Variants in CACNA1E observed in about 807,000 individuals in gnomAD.
CACNA1E encodes the protein voltage-dependent R-type calcium channel subunit alpha-1E.
Under a neutral mutation model 259.2 loss-of-function variants are expected in CACNA1E, and 40 were observed. That is an observed-to-expected ratio of 0.15 (90% CI 0.12 to 0.20). The LOEUF (loss-of-function observed/expected upper bound fraction) is 0.20, where lower values mean the gene tolerates loss of function less well. CACNA1E is among the 10% of genes least tolerant of loss of function. The pLI, the probability that CACNA1E is intolerant of heterozygous loss-of-function variation, is 1.00. For synonymous variants in CACNA1E, 1,104 were observed against 1,138.5 expected, an observed-to-expected ratio of 0.97 and a Z score of 0.61; for missense variants, 1,874 against 3,040.1, an observed-to-expected ratio of 0.62 and a Z score of 9.02.
At chr1:181,726,699 T>C (rs1654937336) in intron 18 of CACNA1E, among the ~76,000 whole-genome samples, 1 of 152,286 alleles carries the variant, frequency 6.6e-6, no homozygotes, top group South Asian at 2.1e-4. Flanking sequence ...AGTGGAAGGA[T>C]GAATAGGATA....
chr1:181,452,891 T>C (rs1182113890), intron 2 of CACNA1E, among the ~76,000 whole-genome samples: 2 of 152,336 alleles, frequency 1.3e-5, no homozygotes, highest in Non-Finnish European at 2.9e-5. Flanking sequence ...CTACCACCTT[T>C]TTCTAGATTC....
At chr1:181,729,487 C>A (rs924332748) in intron 18 of CACNA1E, among the ~76,000 whole-genome samples, 2 of 152,192 alleles carry the variant, frequency 1.3e-5, no homozygotes, top group Non-Finnish European at 2.9e-5. Flanking sequence ...TGTTAAAAAG[C>A]AAAGTGCCTG....
At chr1:181,317,706 G>A (rs12723050) in exon 1 of CACNA1E, 25,422 of 145,950 alleles carry the variant, frequency 0.17, 2,493 homozygotes, top group Non-Finnish European at 0.23. Flanking sequence ...GCCGCCTCGC[G>A]CGTGCCGCCC....
intron 3 of CACNA1E, among the ~76,000 whole-genome samples, chr1:181,523,139 C>T (rs1468595793): frequency 1.3e-5 from 2 of 151,734 alleles, no homozygotes; most frequent in Non-Finnish European, 2.9e-5. Flanking sequence ...CCTTCTTCTC[C>T]AATAAGCAAA....
Position 181,800,689 on chromosome 1 carries a change from A to G in CACNA1E, c.*1855A>G, listed in dbSNP as rs972683700. On this transcript the variant is annotated 3_prime_UTR_variant, in exon 48 of 48. Transcript: ENST00000367573. The stretch of plus-strand genomic sequence containing the variant: ...TCCTCCTCTTGGGCAGGAGCAATCC[A>G]GAGTTGTTATTTTTCTTAGAAGGAG... 4 of 152,700 alleles carry G rather than the reference A, an allele frequency of 2.6e-5. No individual in the cohort carries two copies. Among genetic ancestry groups the G allele is most frequent in the Admixed American group, 1.3e-4 (2 of 15,284 alleles). 9.5% of individuals were successfully genotyped at this position (152,700 alleles called of 1,614,324 possible). A position where few individuals can be genotyped will look rare whatever the true frequency, so the allele number is the denominator to read the frequency against.
At chr1:181,511,764 C>T (rs1359939379) in intron 3 of CACNA1E, among the ~76,000 whole-genome samples, 1 of 152,212 alleles carries the variant, frequency 6.6e-6, no homozygotes, top group African/African-American at 2.4e-5. Flanking sequence ...TGGAAGCTGC[C>T]ACTTCTGGTT....
At chr1:181,372,313 C>T (rs573358003) in intron 1 of CACNA1E, among the ~76,000 whole-genome samples, 2 of 151,858 alleles carry the variant, frequency 1.3e-5, no homozygotes, top group African/African-American at 4.8e-5. Flanking sequence ...GAACTTTCAC[C>T]TCCCTGGTTA....
Position 181,758,989 on chromosome 1 carries a change from C to T in CACNA1E, c.4605+121C>T, listed in dbSNP as rs762818795. ...GAAATCACCCACCTAGATGTGGGCTCGTTTTGACTGCTCAGTAAACTGCCG... is the reference window on the plus strand; with the variant it reads ...GAAATCACCCACCTAGATGTGGGCTTGTTTTGACTGCTCAGTAAACTGCCG... On this transcript the variant is annotated intron_variant, in intron 32 of 47. Coordinates refer to ENST00000367573, the MANE Select transcript of CACNA1E (RefSeq NM_001205293.3). The surrounding 1 kb of genome is among the most constrained non-coding windows in gnomAD (Gnocchi z 4.2). The T allele has an allele frequency of 4.7e-6, 3 of 633,700 alleles. No individual in the cohort carries two copies. The highest frequency in any genetic ancestry group is 2.0e-5 in the South Asian group (1 of 50,840). 39.3% of individuals were successfully genotyped at this position (633,700 alleles called of 1,614,324 possible). A position where few individuals can be genotyped will look rare whatever the true frequency, so the allele number is the denominator to read the frequency against.
chr1:181,749,529 C>T (rs1173376160), intron 25 of CACNA1E, among the ~76,000 whole-genome samples: 2 of 152,148 alleles, frequency 1.3e-5, no homozygotes, highest in Admixed American at 6.5e-5. Flanking sequence ...GGGTTCATGT[C>T]CCAGCTCTGC....
At chr1:181,520,960 C>CT (rs1303554796) in intron 3 of CACNA1E, among the ~76,000 whole-genome samples, 1 of 152,202 alleles carries the variant, frequency 6.6e-6, no homozygotes, top group Non-Finnish European at 1.5e-5. Flanking sequence ...ACAATGCCCT[C>CT]TCTCCTCCAG....
At chr1:181,472,889 T>C (rs760199452) in intron 2 of CACNA1E, among the ~76,000 whole-genome samples, 2 of 152,186 alleles carry the variant, frequency 1.3e-5, no homozygotes, top group East Asian at 3.8e-4. Flanking sequence ...TATAGACTCC[T>C]GTGAATTCTA....
intron 1 of CACNA1E, among the ~76,000 whole-genome samples, chr1:181,408,400 A>T (rs1361282004): frequency 2.6e-5 from 4 of 152,216 alleles, no homozygotes. Flanking sequence ...AGTAAAAAAT[A>T]GATGAATTAA....
chr1:181,515,935 G>A (rs527655057), intron 3 of CACNA1E, among the ~76,000 whole-genome samples: 2 of 152,264 alleles, frequency 1.3e-5, no homozygotes, highest in East Asian at 3.9e-4. Flanking sequence ...GGGGAAGGCT[G>A]GGGCTGGGGT....
intron 18 of CACNA1E, among the ~76,000 whole-genome samples, chr1:181,728,736 C>T (rs1292470695): frequency 6.6e-6 from 1 of 151,328 alleles, no homozygotes; most frequent in African/African-American, 2.4e-5. Context: ...GTGTACAATG[C>T]TCAGGTGTGT....
chr1:181,635,634 C>T (rs1461338451), intron 6 of CACNA1E, among the ~76,000 whole-genome samples: 1 of 152,228 alleles, frequency 6.6e-6, no homozygotes, highest in Non-Finnish European at 1.5e-5. Flanking sequence ...CTGATCTGGA[C>T]TCTGCACCAG....
rs764706217 is a variant in CACNA1E at position 181,798,755 on chromosome 1, G to A, written c.6863G>A (p.Arg2288His). The A allele has an allele frequency of 2.4e-5, 39 of 1,602,534 alleles. No homozygotes were observed. The highest frequency in any genetic ancestry group is 8.0e-5 in the African/African-American group (6 of 74,808). Residue 2288 changes from arginine (R) to histidine (H), a missense_variant, in exon 48 of 48, where the codon CGC becomes CAC. This residue lies in a region of CACNA1E where 542 missense variants were observed against 587.2 expected (regional missense o/e 0.92). Transcript: ENST00000367573. This position sits in a 1 kb window ranked among gnomAD's most constrained non-coding sequence, Gnocchi z 4.2. ...MPNGHYRRRR[R>H]GGPGPGMMCG... is the part of the protein sequence containing the mutation. Reference sequence around the variant, plus strand: ...AACGGGCACTATCGGCGGCGGAGGCGCGGGGGGCCTGGGCCAGGCATGATG... The same window carrying A: ...AACGGGCACTATCGGCGGCGGAGGCACGGGGGGCCTGGGCCAGGCATGATG...
chr1:181,461,337 C>A (rs913193859), intron 2 of CACNA1E, among the ~76,000 whole-genome samples: 4 of 151,206 alleles, frequency 2.6e-5, no homozygotes, highest in Non-Finnish European at 5.9e-5. Context: ...GTCAGGAGAT[C>A]GAGACCATCC....
At chr1:181,626,487 C>G (rs1490380909) in intron 6 of CACNA1E, among the ~76,000 whole-genome samples, 2 of 152,186 alleles carry the variant, frequency 1.3e-5, no homozygotes, top group Non-Finnish European at 2.9e-5. Context: ...CAGCCTCTCT[C>G]AGGGCCTTTC....
At chr1:181,339,261 T>G (rs951333873) in intron 1 of CACNA1E, among the ~76,000 whole-genome samples, 1 of 152,196 alleles carries the variant, frequency 6.6e-6, no homozygotes, top group Non-Finnish European at 1.5e-5. Context: ...AGTGTGACCA[T>G]TTTAACAATA....
Sources: allele counts gnomAD v4.1 joint callset (sites outside exome capture counted in the v4.1 genomes callset), GRCh38; gene constraint gnomAD v4.1.1; regional missense constraint gnomAD v4.1.1; non-coding constraint Gnocchi (gnomAD v3.1); transcripts MANE v1.5; gene names NCBI Gene and HGNC (gene_info 2026-07-23, HGNC 2026-07-21).